UMOD: variants seen among roughly 807,000 people sequenced by gnomAD.
The protein encoded by UMOD is Tamm-Horsfall urinary glycoprotein.
UMOD carries 64 observed loss-of-function variants against 66.0 expected under a neutral mutation model. The ratio of observed to expected loss-of-function variants is 0.97; its 90% CI spans 0.79 to 1.19. UMOD has a LOEUF of 1.19. Among genes scored for constraint, UMOD ranks in the 50% most tolerant of loss-of-function variants. The probability of loss-of-function intolerance (pLI) is 0.00; values close to 1 mark genes in which losing one functional copy is unlikely to be tolerated. For synonymous variants in UMOD, 398 were observed against 352.7 expected (o/e 1.13, Z -1.44); for missense variants, 764 against 850.9 (o/e 0.90, Z 1.27).
At chr16:20,350,878 C>T in intron 1 of UMOD, 39 bp from the exon 2 acceptor site, 1 of 1,524,246 alleles carries the variant, frequency 6.6e-7, no homozygotes, top group South Asian at 1.2e-5. Flanking sequence ...CATGATCTAA[C>T]TCTCCTCCCC....
intron 10 of UMOD, among the ~76,000 whole-genome samples, chr16:20,334,292 C>T (rs1028622010): frequency 1.3e-5 from 2 of 151,966 alleles, no homozygotes; most frequent in African/African-American, 2.4e-5. Context: ...TATTACTCAA[C>T]GAATATTCAT....
At chr16:20,341,024 C>T in intron 7 of UMOD, 67 bp downstream of exon 7, 1 of 1,480,694 alleles carries the variant, frequency 6.8e-7, no homozygotes, top group East Asian at 2.3e-5. Flanking sequence ...CAATTTTCCT[C>T]CATCCAAGTC....
rs1343417740 is a variant in UMOD at position 20,341,174 on chromosome 16, T to C, written c.1494A>G (p.Arg498=). 3 of 1,613,824 alleles carry C rather than the reference T, an allele frequency of 1.9e-6. No individual in the cohort carries two copies. The highest frequency in any genetic ancestry group is 3.3e-5 in the Admixed American group (2 of 59,966). The change falls in exon 7 of 11, where the codon CGA becomes CGG. Residue 498 remains arginine, a synonymous_variant. Coordinates refer to ENST00000396138, the MANE Select transcript of UMOD (RefSeq NM_003361.4). ...AGCAGTTGGTCATGAGCAGTGCAAA[T>C]CGGGACAGGTCGCCCCCATCCAACA... ...GTMLDGGDLS[R]FALLMTNCYA...
Position 20,348,417 on chromosome 16 carries a change from TG to T in UMOD, c.865+18del. 6.2e-7 allele frequency: 1 copy of T among 1,614,014 alleles called. No homozygotes were observed. Among genetic ancestry groups the T allele is most frequent in the Non-Finnish European group, 8.5e-7 (1 of 1,180,016 alleles). ...CTTTCCAGGCCTGGGATGAGGACTGTGGGGAGACTCCGGCTGACCTGTGCAG... is the reference window on the plus strand; with the variant it reads ...CTTTCCAGGCCTGGGATGAGGACTGTGGGAGACTCCGGCTGACCTGTGCAG... On this transcript the variant is annotated intron_variant, in intron 3 of 10. Transcript: ENST00000396138.
At chr16:20,354,876 C>T (rs1316467320), upstream of UMOD, among the ~76,000 whole-genome samples, 3 of 152,098 alleles carry the variant, frequency 2.0e-5, no homozygotes, top group African/African-American at 7.2e-5. Context: ...GACCACATAC[C>T]CCCAACCCTT....
At chr16:20,338,243 C>A (rs1238569716) in intron 7 of UMOD, among the ~76,000 whole-genome samples, 1 of 152,214 alleles carries the variant, frequency 6.6e-6, no homozygotes, top group Non-Finnish European at 1.5e-5. Context: ...GAAAGGCAGA[C>A]AGTATGGCCT....
In UMOD at chr16:20,341,210, G is replaced by GA; in HGVS notation, c.1457_1458insT (p.Val487ArgfsTer26). ...CGCCCCCATCCAACATGGTGCCCAC[G>GA]TAGAGAAAAGCCTCAGTGGACAGTG... is the stretch of plus-strand genomic sequence containing the variant. On this transcript the variant is annotated frameshift_variant, in exon 7 of 11. Coordinates refer to ENST00000396138, the MANE Select transcript of UMOD (RefSeq NM_003361.4). LOFTEE classifies it high-confidence loss of function. 1 of 1,614,038 alleles carries GA rather than the reference G, an allele frequency of 6.2e-7. No homozygotes were observed. Among genetic ancestry groups the GA allele is most frequent in the Non-Finnish European group, 8.5e-7 (1 of 1,179,984 alleles).
intron 8 of UMOD, 24 bp from the exon 9 acceptor site, chr16:20,336,751 A>T (rs376378129): frequency 1.2e-6 from 2 of 1,607,924 alleles, no homozygotes; most frequent in African/African-American, 2.7e-5. Context: ...GCAATAGAAA[A>T]ACACCCTCCA....
upstream of UMOD, among the ~76,000 whole-genome samples, chr16:20,353,421 A>G (rs893389035): frequency 2.6e-5 from 4 of 152,142 alleles, no homozygotes; most frequent in Non-Finnish European, 4.4e-5. Flanking sequence ...CAGTGGGCTC[A>G]TTTCTTAACC....
intron 9 of UMOD, among the ~76,000 whole-genome samples, 199 bp from the exon 10 acceptor site, chr16:20,335,719 C>A (rs1964834088): frequency 6.6e-6 from 1 of 152,210 alleles, no homozygotes; most frequent in Non-Finnish European, 1.5e-5. Context: ...CAACCCTTAG[C>A]AAGAACTGCA....
intron 4 of UMOD, among the ~76,000 whole-genome samples, chr16:20,346,631 C>T (rs944025144): frequency 6.6e-6 from 1 of 152,054 alleles, no homozygotes; most frequent in Non-Finnish European, 1.5e-5. Context: ...AATGAATACT[C>T]GTTTAAAAAA....
chr16:20,336,808 C>T, intron 8 of UMOD, 81 bp from the exon 9 acceptor site: 1 of 1,292,258 alleles, frequency 7.7e-7, no homozygotes, highest in Non-Finnish European at 1.1e-6. Context: ...GACTGCCCAC[C>T]TCACAGGTGC....
At chr16:20,350,156 C>T (rs1214521412) in intron 2 of UMOD, among the ~76,000 whole-genome samples, 1 of 152,144 alleles carries the variant, frequency 6.6e-6, no homozygotes, top group Non-Finnish European at 1.5e-5. Context: ...CAATAGTATT[C>T]ATCGTGCCCC....
At chr16:20,342,193 T>A (rs111449954) in intron 6 of UMOD, among the ~76,000 whole-genome samples, 2 of 152,158 alleles carry the variant, frequency 1.3e-5, no homozygotes, top group Admixed American at 6.5e-5. Flanking sequence ...AAAATATTTT[T>A]AAAAATAGCC....
chr16:20,336,574 G>T, intron 9 of UMOD, 72 bp downstream of exon 9: 4 of 1,449,882 alleles, frequency 2.8e-6, no homozygotes, highest in African/African-American at 1.4e-5. Flanking sequence ...AAGGTGCCAG[G>T]CTCTGTTATC....
intron 7 of UMOD, among the ~76,000 whole-genome samples, chr16:20,339,750 T>C (rs933258365): frequency 6.6e-6 from 1 of 152,264 alleles, no homozygotes; most frequent in African/African-American, 2.4e-5. Flanking sequence ...TATTTCACTT[T>C]CATTTAATAG....
intron 4 of UMOD, 42 bp downstream of exon 4, chr16:20,348,181 G>T: frequency 1.3e-6 from 2 of 1,566,498 alleles, no homozygotes; most frequent in South Asian, 1.1e-5. Flanking sequence ...CCCAGGCAGT[G>T]ACAGGTTTCT....
intron 10 of UMOD, among the ~76,000 whole-genome samples, chr16:20,334,657 T>C (rs1964775908): frequency 6.6e-6 from 1 of 151,992 alleles, no homozygotes; most frequent in Non-Finnish European, 1.5e-5. Context: ...ACTCCAGGCA[T>C]TTCCATAGAT....
chr16:20,344,145 T>C lies in UMOD; in HGVS notation c.1210A>G (p.Asn404Asp). The C allele has an allele frequency of 6.4e-7, 1 of 1,562,792 alleles. No individual in the cohort carries two copies. Among genetic ancestry groups the C allele is most frequent in the Non-Finnish European group, 8.7e-7 (1 of 1,152,646 alleles). ...TRNETHATYS[N>D]TLYLADEIII... ...ATCTCATCTGCCAGGTAGAGGGTGT[T>C]GCTGTAAGTGGCATGGGTTTCATTC... The change falls in exon 6 of 11, where the codon AAC becomes GAC. Residue 404 changes from asparagine (N) to aspartate (D), a missense_variant. Transcript: ENST00000396138.
Sources: gnomAD v4.1 joint callset for allele counts (sites outside exome capture counted in the v4.1 genomes callset) on GRCh38, gnomAD v4.1.1 for gene constraint, MANE v1.5 for transcripts, NCBI Gene and HGNC (gene_info 2026-07-23, HGNC 2026-07-21) for gene names.